Variants in SOX5 observed in about 807,000 individuals in gnomAD.
SOX5 encodes SRY-box transcription factor 5, also known as transcription factor SOX-5.
Under a neutral mutation model 92.0 loss-of-function variants are expected in SOX5, and 9 were observed. The observed-to-expected ratio is 0.10, with a 90% CI of 0.06 to 0.17. The LOEUF is 0.17. SOX5 is among the 10% of genes least tolerant of loss of function. The pLI, the probability that SOX5 is intolerant of heterozygous loss-of-function variation, is 1.00. For missense variants in SOX5, 642 were observed against 944.5 expected, an observed-to-expected ratio of 0.68 and a Z score of 4.20; for synonymous variants, 344 against 336.3, an observed-to-expected ratio of 1.02 and a Z score of -0.25.
At chr12:23,570,698 C>G (rs1049780244) in intron 10 of SOX5, among the ~76,000 whole-genome samples, 3 of 151,308 alleles carry the variant, frequency 2.0e-5, no homozygotes, top group African/African-American at 4.9e-5. Context: ...ATCACGAGGT[C>G]AGGAGATCGA....
chr12:23,982,710 T>G (rs1030718418), intron 4 of SOX5, among the ~76,000 whole-genome samples: 1 of 151,958 alleles, frequency 6.6e-6, no homozygotes, highest in Non-Finnish European at 1.5e-5. Context: ...AGTAGTAACA[T>G]TTAAAAAAAG....
At chr12:24,126,336 T>C (rs1234188322) in intron 4 of SOX5, among the ~76,000 whole-genome samples, 1 of 152,090 alleles carries the variant, frequency 6.6e-6, no homozygotes. Flanking sequence ...AATACAAAAT[T>C]CGTGTGCTCA....
intron 2 of SOX5, among the ~76,000 whole-genome samples, chr12:23,870,104 A>G (rs950178253): frequency 2.6e-5 from 4 of 152,112 alleles, no homozygotes; most frequent in African/African-American, 9.7e-5. Context: ...ATTTTTTCCT[A>G]TCATACTGTT....
intron 11 of SOX5, among the ~76,000 whole-genome samples, chr12:23,549,390 G>A (rs1005601786): frequency 4.0e-5 from 6 of 151,668 alleles, no homozygotes; most frequent in South Asian, 2.1e-4. Context: ...TAAAAATCAC[G>A]GCTCTGATAA....
intron 3 of SOX5, among the ~76,000 whole-genome samples, chr12:23,786,089 A>C (rs1460698477): frequency 1.3e-5 from 2 of 151,956 alleles, no homozygotes; most frequent in African/African-American, 2.4e-5. Flanking sequence ...TTATTTTTAA[A>C]AAGAACCATG....
rs541019199 is a variant in SOX5 at position 23,710,338 on chromosome 12, C to A, written c.810+24346G>T. ...CATGTGCCATGTTGGTGTGCTGCAC[C>A]CATTAACTTGTCATTTACATTAGGT... On this transcript the variant is annotated intron_variant, in intron 6 of 14. Transcript: ENST00000451604. Among the ~76,000 whole-genome samples the A allele has an allele frequency of 4.1e-4, 62 of 152,100 alleles. 1 individual carries two copies. The South Asian group carries it at 0.012, about 30-fold the overall frequency.
chr12:24,314,178 C>A (rs520038), intron 2 of SOX5, among the ~76,000 whole-genome samples: 132,843 of 152,136 alleles, frequency 0.87, 58,303 homozygotes, highest in East Asian at 0.98. Context: ...TGTCTTCTCC[C>A]AACTGCAGCC....
intron 2 of SOX5, among the ~76,000 whole-genome samples, chr12:23,847,732 T>C (rs902158280): frequency 6.6e-6 from 1 of 152,136 alleles, no homozygotes; most frequent in African/African-American, 2.4e-5. Flanking sequence ...CAAATGGCTT[T>C]CATTTCTCAC....
intron 3 of SOX5, among the ~76,000 whole-genome samples, chr12:24,273,921 T>C (rs1280797167): frequency 2.0e-5 from 3 of 152,210 alleles, no homozygotes; most frequent in Non-Finnish European, 1.5e-5. Flanking sequence ...CGTTGTGATT[T>C]CTTTTTAATT....
intron 11 of SOX5, among the ~76,000 whole-genome samples, chr12:23,555,806 C>A (rs1565780953): frequency 6.6e-6 from 1 of 152,124 alleles, no homozygotes; most frequent in Admixed American, 6.5e-5. Context: ...TCTTTGCAGT[C>A]TGCAGACTCG....
At chr12:24,380,441 C>CT (rs1257351376) in intron 1 of SOX5, among the ~76,000 whole-genome samples, 2 of 152,242 alleles carry the variant, frequency 1.3e-5, no homozygotes, top group Non-Finnish European at 2.9e-5. Flanking sequence ...TTTTACTCCA[C>CT]TTGCGCAACA....
At chr12:24,188,390 T>A (rs1956214629) in intron 4 of SOX5, among the ~76,000 whole-genome samples, 1 of 152,156 alleles carries the variant, frequency 6.6e-6, no homozygotes, top group South Asian at 2.1e-4. Flanking sequence ...ATCTATTATG[T>A]ATAGACTGTA....
chr12:23,824,572 G>A (rs190703848), intron 3 of SOX5, among the ~76,000 whole-genome samples: 12 of 152,282 alleles, frequency 7.9e-5, no homozygotes, highest in East Asian at 7.7e-4. Flanking sequence ...GTGTCTCCCC[G>A]TCAGGAGGCA....
At chr12:24,482,646 C>T (rs144113443) in intron 1 of SOX5, among the ~76,000 whole-genome samples, 1 of 152,232 alleles carries the variant, frequency 6.6e-6, no homozygotes, top group East Asian at 1.9e-4. Context: ...GTTGTTGTTT[C>T]AAAGTTGTTC....
At chr12:23,979,698 G>GTTTTTTTT (rs67253622) in intron 4 of SOX5, among the ~76,000 whole-genome samples, 1,233 of 64,696 alleles carry the variant, frequency 0.019, 449 homozygotes, top group Middle Eastern at 0.027. Flanking sequence ...ATATATATAT[G>GTTTTTTTT]TTTTTTTTGT....
intron 3 of SOX5, among the ~76,000 whole-genome samples, chr12:24,244,243 G>T (rs969337772): frequency 6.6e-6 from 1 of 152,072 alleles, no homozygotes; most frequent in Non-Finnish European, 1.5e-5. Flanking sequence ...ATCCACGGGC[G>T]ATCGGCTACA....
At chr12:23,999,140 C>CTGTG (rs1384723605) in intron 4 of SOX5, among the ~76,000 whole-genome samples, 48,375 of 141,034 alleles carry the variant, frequency 0.34, 8,492 homozygotes, top group Non-Finnish European at 0.4. Flanking sequence ...AAAAAAGACT[C>CTGTG]TGTGTGTGTG....
chr12:24,441,732 C>T (rs1248812442), intron 1 of SOX5, among the ~76,000 whole-genome samples: 1 of 152,148 alleles, frequency 6.6e-6, no homozygotes, highest in Non-Finnish European at 1.5e-5. Context: ...ATTAAGTGTT[C>T]TGAAGCACTG....
intron 1 of SOX5, among the ~76,000 whole-genome samples, chr12:24,436,953 A>G (rs1291061516): frequency 6.6e-6 from 1 of 152,210 alleles, no homozygotes; most frequent in East Asian, 1.9e-4. Context: ...AACCTGCAGG[A>G]CAGCACATCT....
Sources: allele counts gnomAD v4.1 joint callset (sites outside exome capture counted in the v4.1 genomes callset), GRCh38; gene constraint gnomAD v4.1.1; transcripts MANE v1.5; gene names NCBI Gene and HGNC (gene_info 2026-07-23, HGNC 2026-07-21).